Variants in OSBPL11 observed in about 807,000 individuals in gnomAD.
OSBPL11 encodes oxysterol binding protein like 11.
Under a neutral mutation model 84.4 loss-of-function variants are expected in OSBPL11, and 33 were observed. The ratio of observed to expected loss-of-function variants is 0.39; its 90% CI spans 0.30 to 0.52. OSBPL11 has a LOEUF of 0.52. Among genes scored for constraint, OSBPL11 ranks in the 20% least tolerant of loss-of-function variants. The pLI is 0.72. For missense variants in OSBPL11, 736 were observed against 901.1 expected (o/e 0.82, Z 2.35); for synonymous variants, 276 against 310.2 (o/e 0.89, Z 1.16).
chr3:125,531,349 T>G (rs1935552821), intron 12 of OSBPL11, among the ~76,000 whole-genome samples: 1 of 148,196 alleles, frequency 6.7e-6, no homozygotes, highest in Non-Finnish European at 1.5e-5. Context: ...TGGAGTGCAA[T>G]GGCGCAATCT....
At chr3:125,590,551 T>C (rs1025421209) in intron 1 of OSBPL11, among the ~76,000 whole-genome samples, 1 of 152,032 alleles carries the variant, frequency 6.6e-6, no homozygotes, top group Non-Finnish European at 1.5e-5. Context: ...CCAGACTCTG[T>C]CTCAAAAAAA....
intron 8 of OSBPL11, among the ~76,000 whole-genome samples, chr3:125,557,218 A>G (rs1194722818): frequency 6.6e-6 from 1 of 152,206 alleles, no homozygotes; most frequent in Non-Finnish European, 1.5e-5. Flanking sequence ...CTTATTCACA[A>G]CATGAAGGCT....
intron 9 of OSBPL11, among the ~76,000 whole-genome samples, chr3:125,551,164 TAAA>T (rs1250361844): frequency 1.1e-5 from 1 of 94,062 alleles, no homozygotes; most frequent in Admixed American, 1.3e-4. Context: ...ACCCTGTTTC[TAAA>T]AAAAAAAAAA....
At chr3:125,592,115 C>CA (rs1471172704) in intron 1 of OSBPL11, among the ~76,000 whole-genome samples, 1 of 152,184 alleles carries the variant, frequency 6.6e-6, no homozygotes, top group Non-Finnish European at 1.5e-5. Flanking sequence ...GGCTTGAGTG[C>CA]AGTGGCACAA....
intron 7 of OSBPL11, among the ~76,000 whole-genome samples, 163 bp from the exon 8 acceptor site, chr3:125,560,682 A>C (rs1279407171): frequency 6.6e-6 from 1 of 152,222 alleles, no homozygotes; most frequent in Non-Finnish European, 1.5e-5. Context: ...CCATGGTATA[A>C]ATTTCCTTCA....
At chr3:125,574,487 T>G (rs1052266487) in intron 5 of OSBPL11, among the ~76,000 whole-genome samples, 10 of 151,712 alleles carry the variant, frequency 6.6e-5, no homozygotes, top group African/African-American at 2.4e-4. Context: ...GCAGTTTTTT[T>G]TTTTTTTTTT....
At chr3:125,547,098 G>C (rs1441317870) in intron 10 of OSBPL11, among the ~76,000 whole-genome samples, 1 of 152,096 alleles carries the variant, frequency 6.6e-6, no homozygotes, top group Non-Finnish European at 1.5e-5. Context: ...CTGAGGTCCA[G>C]ATCCAAATCT....
intron 3 of OSBPL11, 74 bp downstream of exon 3, chr3:125,579,791 T>C: frequency 3.7e-6 from 5 of 1,350,394 alleles, no homozygotes; most frequent in Non-Finnish European, 4.2e-6. Flanking sequence ...AAAGCCCATA[T>C]GAAAGCATGT....
intron 8 of OSBPL11, among the ~76,000 whole-genome samples, chr3:125,552,929 G>A (rs941073684): frequency 6.6e-6 from 1 of 152,112 alleles, no homozygotes; most frequent in Non-Finnish European, 1.5e-5. Context: ...ACCAGCTGAG[G>A]CAACATAGTG....
intron 10 of OSBPL11, among the ~76,000 whole-genome samples, chr3:125,546,158 GTT>G (rs1183901077): frequency 7.0e-6 from 1 of 143,884 alleles, no homozygotes; most frequent in African/African-American, 2.6e-5. Context: ...AGTCTATTTC[GTT>G]TTTTTTGTGT....
chr3:125,544,413 G>C (rs1935780649), intron 10 of OSBPL11, among the ~76,000 whole-genome samples: 1 of 152,122 alleles, frequency 6.6e-6, no homozygotes, highest in South Asian at 2.1e-4. Context: ...ATAAAAAACA[G>C]TTATATAAAT....
At chr3:125,577,529 A>G (rs371409807) in intron 4 of OSBPL11, among the ~76,000 whole-genome samples, 14 of 152,140 alleles carry the variant, frequency 9.2e-5, no homozygotes, top group African/African-American at 3.4e-4. Context: ...GCAAGGATGT[A>G]CAGAAATTAG....
intron 4 of OSBPL11, 62 bp downstream of exon 4, chr3:125,578,898 A>C (rs1310623564): frequency 9.4e-7 from 1 of 1,068,568 alleles, no homozygotes; most frequent in African/African-American, 1.7e-5. Context: ...TTTAAAAGGC[A>C]AAAAATAAAA....
chr3:125,564,268 T>C (rs1295006695), intron 6 of OSBPL11, among the ~76,000 whole-genome samples: 1 of 152,244 alleles, frequency 6.6e-6, no homozygotes, highest in South Asian at 2.1e-4. Flanking sequence ...GATCGAGTCT[T>C]ACTCTCAGCA....
rs181816641 is a variant in OSBPL11 at position 125,587,822 on chromosome 3, C to T, written c.165-4844G>A. The stretch of plus-strand genomic sequence containing the variant: ...GGCAGGGTGGCACACACCTGTAATC[C>T]CAGCTACTCAGGACACTGAGATGGG... On this transcript the variant is annotated intron_variant, in intron 1 of 12. Transcript: ENST00000296220. Among the ~76,000 whole-genome samples the T allele has an allele frequency of 2.1e-3, 326 of 152,204 alleles. 1 individual carries two copies. Among genetic ancestry groups the T allele is most frequent in the African/African-American group, 7.5e-3 (311 of 41,530 alleles).
At chr3:125,551,501 G>T (rs1490234570) in intron 9 of OSBPL11, among the ~76,000 whole-genome samples, 4 of 152,044 alleles carry the variant, frequency 2.6e-5, no homozygotes, top group Non-Finnish European at 5.9e-5. Flanking sequence ...AGGCACGGTG[G>T]CTCATGCCTG....
intron 5 of OSBPL11, among the ~76,000 whole-genome samples, chr3:125,568,713 C>T (rs1023609421): frequency 6.6e-5 from 10 of 152,172 alleles, no homozygotes; most frequent in African/African-American, 2.4e-4. Context: ...GATTTTAATA[C>T]ACTCTGCTTT....
In OSBPL11 at chr3:125,530,277, A is replaced by C. The variant is rs905428626; in HGVS notation, c.*238T>G. ...AAAGATTCATCTACTGATTCAGGTA[A>C]CAAGTTTTAAGATGGTATTGCTCAC... On this transcript the variant is annotated 3_prime_UTR_variant, in exon 13 of 13. Transcript: ENST00000296220. The C allele has an allele frequency of 6.3e-6, 3 of 475,718 alleles. No homozygotes were observed. Among genetic ancestry groups the C allele is most frequent in the Non-Finnish European group, 7.6e-6 (2 of 263,008 alleles). 29.5% of individuals were successfully genotyped at this position (475,718 alleles called of 1,614,324 possible). A position where few individuals can be genotyped will look rare whatever the true frequency, so the allele number is the denominator to read the frequency against.
intron 1 of OSBPL11, among the ~76,000 whole-genome samples, chr3:125,588,737 C>T (rs1387059317): frequency 2.6e-5 from 4 of 152,086 alleles, no homozygotes; most frequent in African/African-American, 4.8e-5. Context: ...AGATATTCCT[C>T]GCAACAGCTA....
Sources: gnomAD v4.1 joint callset for allele counts (sites outside exome capture counted in the v4.1 genomes callset) on GRCh38, gnomAD v4.1.1 for gene constraint, MANE v1.5 for transcripts, NCBI Gene and HGNC (gene_info 2026-07-23, HGNC 2026-07-21) for gene names.